FMO3: variants seen among roughly 807,000 people sequenced by gnomAD.
FMO3 encodes the protein flavin containing dimethylaniline monoxygenase 3, also known as flavin-containing monooxygenase 3.
In FMO3, 40 loss-of-function variants were observed where a neutral mutation model predicts 39.4. That is an observed-to-expected ratio of 1.02 (90% CI 0.79 to 1.32). The LOEUF (loss-of-function observed/expected upper bound fraction) is 1.32. Ranked by LOEUF, FMO3 falls within the 40% of genes most tolerant of loss-of-function variation. The pLI is 0.00. For missense variants in FMO3, 680 were observed against 651.8 expected (o/e 1.04, Z -0.47); for synonymous variants, 219 against 228.8 (o/e 0.96, Z 0.39).
rs901155397 is a variant in FMO3, at chr1:171,117,146, G to T, written c.1303G>T (p.Asp435Tyr). 1 of 1,614,056 alleles carries T rather than the reference G, an allele frequency of 6.2e-7. No homozygotes were observed. The highest frequency in any genetic ancestry group is 8.5e-7 in the Non-Finnish European group (1 of 1,180,018). The change falls in exon 9 of 9, where the codon GAT (aspartate) becomes TAT (tyrosine). Residue 435 changes from aspartate (D) to tyrosine (Y), a missense_variant. Asp to Tyr is a radical substitution (Grantham distance 160, BLOSUM62 -3). Transcript: ENST00000367755. ...TIQTDYIVYM[D>Y]ELSSFIGAKP... ...ACAGACAGATTACATTGTTTATATG[G>T]ATGAACTCTCCTCCTTCATTGGGGC...
chr1:171,096,025 A>ATATATAAATATATAATATGTATT, intron 2 of FMO3, among the ~76,000 whole-genome samples: 1 of 45,974 alleles, frequency 2.2e-5, no homozygotes, highest in Admixed American at 4.6e-4. Flanking sequence ...ATTATATATT[A>ATATATAAATATATAATATGTATT]ATATATAATA....
intron 2 of FMO3, among the ~76,000 whole-genome samples, chr1:171,094,252 G>A (rs1296632115): frequency 6.6e-6 from 1 of 151,928 alleles, no homozygotes; most frequent in Non-Finnish European, 1.5e-5. Context: ...ATTGGCCATT[G>A]GTATGTCTTT....
chr1:171,092,848 C>T (rs4140653), intron 2 of FMO3, 58 bp downstream of exon 2: 86,485 of 1,574,958 alleles, frequency 0.055, 5,176 homozygotes, highest in Admixed American at 0.23. Flanking sequence ...TATAAGAGCA[C>T]ACTGTGTGCA....
Position 171,096,487 on chromosome 1 carries a change from AAATACATAATATACTT to A in FMO3, c.132+3698_132+3713del, listed in dbSNP as rs1341589233. 3.1e-3 allele frequency among the ~76,000 whole-genome samples: 324 copies of A among 105,734 alleles called. 19 individuals are homozygous for A. The highest frequency in any genetic ancestry group is 0.022 in the East Asian group (72 of 3,270). 69.4% of individuals were successfully genotyped at this position (105,734 alleles called of 152,430 possible). ...AAATACATAATATATTTTATATATT[AAATACATAATATACTT>A]TATATATTAAATACATAATATACTT... On this transcript the variant is annotated intron_variant, in intron 2 of 8. Coordinates refer to ENST00000367755, the MANE Select transcript of FMO3 (RefSeq NM_001002294.3).
intron 7 of FMO3, 58 bp downstream of exon 7, chr1:171,114,420 G>A: frequency 7.9e-7 from 1 of 1,264,130 alleles, no homozygotes; most frequent in Non-Finnish European, 1.1e-6. Context: ...CAATAACTTT[G>A]GATCTTTGTG....
chr1:171,098,804 C>T (rs1162068351), intron 2 of FMO3, among the ~76,000 whole-genome samples: 1 of 152,170 alleles, frequency 6.6e-6, no homozygotes, highest in Non-Finnish European at 1.5e-5. Context: ...CCTGATTTCC[C>T]TGGCCAGAAC....
intron 2 of FMO3, among the ~76,000 whole-genome samples, chr1:171,093,681 C>A (rs1303776270): frequency 6.6e-6 from 1 of 151,832 alleles, no homozygotes; most frequent in Non-Finnish European, 1.5e-5. Context: ...ATAATGACTT[C>A]TTTTCCTTTG....
intron 2 of FMO3, among the ~76,000 whole-genome samples, chr1:171,096,037 A>ATATTATATATAATATG (rs1557933030): frequency 1.7e-4 from 11 of 65,470 alleles, no homozygotes; most frequent in African/African-American, 9.2e-4. Flanking sequence ...TATATAATAT[A>ATATTATATATAATATG]TATTATATAT....
In FMO3 at chr1:171,117,705, C is replaced by G; in HGVS notation, c.*263C>G. ...AAAATCAGAACTATGTTCTTTATAT[C>G]TAACTTAAATCATTTCCTGAAACAT... On this transcript the variant is annotated 3_prime_UTR_variant, in exon 9 of 9. Transcript: ENST00000367755. 2.9e-6 allele frequency: 1 copy of G among 348,896 alleles called. No homozygotes were observed. The highest frequency in any genetic ancestry group is 5.2e-6 in the Non-Finnish European group (1 of 192,930). The allele number at this position is 348,896 out of a possible 1,614,324, so 21.6% of individuals were successfully genotyped here. A position where few individuals can be genotyped will look rare whatever the true frequency, so the allele number is the denominator to read the frequency against.
At chr1:171,111,139 A>T in intron 6 of FMO3, 142 bp downstream of exon 6, 1 of 733,408 alleles carries the variant, frequency 1.4e-6, no homozygotes, top group Non-Finnish European at 2.4e-6. Context: ...ACAAATTAAG[A>T]GTGATTTCCT....
intron 1 of FMO3, among the ~76,000 whole-genome samples, chr1:171,091,743 G>A (rs1397505715): frequency 6.6e-6 from 1 of 152,030 alleles, no homozygotes; most frequent in African/African-American, 2.4e-5. Context: ...GGGACTATAG[G>A]TATGCACCAT....
chr1:171,097,495 A>T (rs1655163180), intron 2 of FMO3, among the ~76,000 whole-genome samples: 1 of 126,488 alleles, frequency 7.9e-6, no homozygotes, highest in Admixed American at 8.4e-5. Flanking sequence ...AACTGGTGTG[A>T]GATGATATCT....
At chr1:171,096,774 T>A (rs1181739964) in intron 2 of FMO3, among the ~76,000 whole-genome samples, 33 of 119,786 alleles carry the variant, frequency 2.8e-4, no homozygotes, top group Non-Finnish European at 4.8e-4. Flanking sequence ...ATAATTAATA[T>A]AATTATATTA....
In FMO3 at chr1:171,103,441, CCA is replaced by C. The variant is rs28363534; in HGVS notation, c.133-341_133-340del. Among the ~76,000 whole-genome samples, 1,344 of 152,006 alleles carry C rather than the reference CCA, an allele frequency of 8.8e-3. 15 individuals carry two copies. The highest frequency in any genetic ancestry group is 0.03 in the African/African-American group (1,253 of 41,468). ...CCATCTGTTTTTGCAAGTTCTGCAT[CCA>C]CAGATTCAACCCACCATTGATTTAA... On this transcript the variant is annotated intron_variant, in intron 2 of 8. Coordinates refer to ENST00000367755, the MANE Select transcript of FMO3 (RefSeq NM_001002294.3).
rs564555482 is a variant in FMO3 at position 171,107,831 on chromosome 1, T to C, written c.478T>C (p.Phe160Leu). The stretch of plus-strand genomic sequence containing the variant: ...GTATCCCAACCTACCAAAAGAGTCC[T>C]TTCCAGGTAAGGCCAAAATTTAAGC... The part of the protein sequence containing the change: ...HVYPNLPKES[F>L]PGLNHFKGKC... The change falls in exon 4 of 9, where the codon TTT becomes CTT. Residue 160 changes from phenylalanine (F) to leucine (L), a missense_variant. By Grantham distance (22) the Phe-to-Leu change is conservative. Transcript: ENST00000367755. The C allele has an allele frequency of 8.1e-6, 13 of 1,613,932 alleles. 1 individual carries two copies. The African/African-American group carries it at 1.2e-4, about 15-fold the overall frequency.
At chr1:171,103,741 A>G (rs1163886803) in intron 2 of FMO3, 44 bp from the exon 3 acceptor site, 2 of 1,466,736 alleles carry the variant, frequency 1.4e-6, no homozygotes, top group Admixed American at 3.3e-5. Flanking sequence ...TGATCAGTAT[A>G]CTCATTTACC....
chr1:171,092,279 G>A (rs927819347), intron 1 of FMO3, among the ~76,000 whole-genome samples: 2 of 152,122 alleles, frequency 1.3e-5, no homozygotes, highest in Non-Finnish European at 1.5e-5. Context: ...GAGTGCAGTG[G>A]TACAATCACG....
At chr1:171,116,371 C>A (rs1656154206) in intron 8 of FMO3, 91 bp downstream of exon 8, 1 of 716,814 alleles carries the variant, frequency 1.4e-6, no homozygotes, top group African/African-American at 1.8e-5. Flanking sequence ...TTAAATTATC[C>A]TGAATGACAT....
chr1:171,112,949 C>A (rs556848517), intron 6 of FMO3, among the ~76,000 whole-genome samples: 2 of 152,186 alleles, frequency 1.3e-5, no homozygotes, highest in Admixed American at 1.3e-4. Flanking sequence ...AGAGTGATGA[C>A]CTGGAAACAA....
Sources: gnomAD v4.1 joint callset for allele counts (sites outside exome capture counted in the v4.1 genomes callset) on GRCh38, gnomAD v4.1.1 for gene constraint, MANE v1.5 for transcripts, NCBI Gene and HGNC (gene_info 2026-07-23, HGNC 2026-07-21) for gene names.